The following PGS1 variants were observed in gnomAD, a reference collection of about 807,000 sequenced individuals.
The protein encoded by PGS1 is CDP-diacylglycerol--glycerol-3-phosphate 3-phosphatidyltransferase, mitochondrial.
A neutral mutation model predicts 58.3 loss-of-function variants in PGS1; 44 were observed. The observed-to-expected ratio is 0.75, with a 90% CI of 0.59 to 0.97. The LOEUF is 0.97. PGS1 is among the 50% of genes least tolerant of loss of function. PGS1 has a pLI of 0.00. For missense variants in PGS1, 684 were observed against 731.1 expected, an observed-to-expected ratio of 0.94 and a Z score of 0.74; for synonymous variants, 330 against 311.0, an observed-to-expected ratio of 1.06 and a Z score of -0.64.
chr17:78,414,078 G>A (rs1299959245), intron 7 of PGS1, among the ~76,000 whole-genome samples: 1 of 152,130 alleles, frequency 6.6e-6, no homozygotes, highest in Non-Finnish European at 1.5e-5. Flanking sequence ...GAAGTCCCTG[G>A]GCCCTGTGGG....
At chr17:78,420,267 C>T (rs1342514068) in intron 9 of PGS1, 3 of 972,406 alleles carry the variant, frequency 3.1e-6, no homozygotes, top group Non-Finnish European at 3.7e-6. Flanking sequence ...CTCTGCCCAC[C>T]CAGGAGGGGC....
At chr17:78,379,406 A>G (rs1421691423) in intron 1 of PGS1, among the ~76,000 whole-genome samples, 1 of 152,190 alleles carries the variant, frequency 6.6e-6, no homozygotes, top group South Asian at 2.1e-4. Flanking sequence ...TGTTCTGGAA[A>G]AGTACTGAAG....
At position 78,396,272 on chromosome 17, in the gene PGS1, G is replaced by T. The variant is rs372238845; in HGVS notation, c.334-36G>T. On this transcript the variant is annotated intron_variant, in intron 2 of 9. Transcript: ENST00000262764. ...TGTTTTCTTAGTGAACCATGAAAAT[G>T]ATGAATTTGAATTTTGAATTTTTCT... The T allele has an allele frequency of 5.5e-5, 84 of 1,516,924 alleles. No homozygotes were observed. In the African/African-American group the frequency reaches 9.7e-4, roughly 18 times the overall value. The allele number at this position is 1,516,924 out of a possible 1,614,324, so 94.0% of individuals were successfully genotyped here.
chr17:78,390,062 T>TCCCCCCCCCCCCCCCCCCCCCCCCCCC (rs1555628316), intron 1 of PGS1, among the ~76,000 whole-genome samples: 19 of 128,564 alleles, frequency 1.5e-4, no homozygotes, highest in South Asian at 5.2e-4. Context: ...TGTTGCCTGT[T>TCCCCCCCCCCCCCCCCCCCCCCCCCCC]CCCCCGCCCC....
intron 9 of PGS1, among the ~76,000 whole-genome samples, chr17:78,422,488 T>C (rs991293265): frequency 3.9e-5 from 6 of 152,128 alleles, no homozygotes; most frequent in East Asian, 1.9e-4. Flanking sequence ...ATATTCCTAA[T>C]GGGTGTGTTT....
chr17:78,410,827 TC>T (rs769815921), intron 7 of PGS1, among the ~76,000 whole-genome samples: 2 of 152,198 alleles, frequency 1.3e-5, no homozygotes, highest in Non-Finnish European at 2.9e-5. Flanking sequence ...ATTATTACTC[TC>T]AGTTTGTTTA....
At chr17:78,382,644 T>TG (rs2082112799) in intron 1 of PGS1, 1 of 140,600 alleles carries the variant, frequency 7.1e-6, no homozygotes, top group Non-Finnish European at 1.5e-5. Flanking sequence ...TGGTTTTTTT[T>TG]TTTTTTTTTT....
chr17:78,409,880 GT>G (rs1178779298), intron 7 of PGS1, among the ~76,000 whole-genome samples: 1 of 152,226 alleles, frequency 6.6e-6, no homozygotes, highest in Non-Finnish European at 1.5e-5. Flanking sequence ...GGAGGCCAAG[GT>G]AGGCGGATCA....
chr17:78,378,725 C>A lies in PGS1; in HGVS notation c.60C>A (p.Leu20=). ...TGTTCTGGAGGCGACTGCTGGGCCT[C>A]CTGCCTGGCCGCCCAGGGCTGGCCG... ...GPVFWRRLLG[L]LPGRPGLAAL... Residue 20 remains leucine, a synonymous_variant, in exon 1 of 10, where the codon CTC becomes CTA. Transcript: ENST00000262764. 1 of 1,516,230 alleles carries A rather than the reference C, an allele frequency of 6.6e-7. No individual in the cohort carries two copies. Among genetic ancestry groups the A allele is most frequent in the Non-Finnish European group, 8.8e-7 (1 of 1,138,542 alleles). 93.9% of individuals were successfully genotyped at this position (1,516,230 alleles called of 1,614,324 possible).
chr17:78,406,884 G>A (rs1031433778), intron 7 of PGS1, among the ~76,000 whole-genome samples: 5 of 152,222 alleles, frequency 3.3e-5, no homozygotes, highest in Non-Finnish European at 7.3e-5. Flanking sequence ...AGGGTGGGAG[G>A]CTCCTGGCCT....
intron 7 of PGS1, among the ~76,000 whole-genome samples, chr17:78,413,017 G>A (rs942743855): frequency 3.3e-5 from 5 of 152,226 alleles, no homozygotes; most frequent in African/African-American, 4.8e-5. Context: ...CCTGGGCAGC[G>A]TGAGCCATCT....
At chr17:78,387,766 A>ATTTTTTATTTTTTAT (rs2082518669) in intron 1 of PGS1, among the ~76,000 whole-genome samples, 1 of 151,652 alleles carries the variant, frequency 6.6e-6, no homozygotes, top group Non-Finnish European at 1.5e-5. Context: ...TGCCTGGCTA[A>ATTTTTTATTTTTTAT]CTTTTAATTT....
At chr17:78,415,396 CGAGGCA>C (rs2085092744) in intron 8 of PGS1, among the ~76,000 whole-genome samples, 1 of 152,026 alleles carries the variant, frequency 6.6e-6, no homozygotes, top group Admixed American at 6.6e-5. Context: ...TTTGGGAGGT[CGAGGCA>C]GGTGGGTCGC....
chr17:78,381,783 G>A (rs1342013174), intron 1 of PGS1, among the ~76,000 whole-genome samples: 1 of 152,196 alleles, frequency 6.6e-6, no homozygotes, highest in African/African-American at 2.4e-5. Context: ...CAGCCAGAGA[G>A]ACAGAGAACT....
At chr17:78,419,479 C>G in intron 8 of PGS1, 67 bp from the exon 9 acceptor site, 2 of 1,435,316 alleles carry the variant, frequency 1.4e-6, no homozygotes, top group Non-Finnish European at 2.0e-6. Context: ...TGGGCTGGGG[C>G]CAGCCGGCCA....
chr17:78,394,786 T>A (rs1462764966), intron 2 of PGS1, among the ~76,000 whole-genome samples: 1 of 151,566 alleles, frequency 6.6e-6, no homozygotes. Context: ...AACTCCCGAC[T>A]TCAGGTGATC....
chr17:78,406,309 C>T lies in PGS1; in HGVS notation c.1402+2220C>T, dbSNP rs59814111. 8.2e-3 allele frequency among the ~76,000 whole-genome samples: 1,245 copies of T among 152,156 alleles called. 18 individuals carry two copies. The highest frequency in any genetic ancestry group is 0.028 in the African/African-American group (1,171 of 41,506). ...TTCCAGCCTGGGCAACAGAGCGAGA[C>T]TCTGTCTCAAAAAAAGAAAAAAAAA... On this transcript the variant is annotated intron_variant, in intron 7 of 9. Transcript: ENST00000262764.
intron 5 of PGS1, 72 bp downstream of exon 5, chr17:78,399,609 T>G: frequency 6.8e-7 from 1 of 1,473,900 alleles, no homozygotes; most frequent in Admixed American, 1.7e-5. Flanking sequence ...ATAGGAACAG[T>G]GGGAAACCCG....
At chr17:78,402,865 C>G (rs1373637655) in intron 6 of PGS1, among the ~76,000 whole-genome samples, 1 of 152,112 alleles carries the variant, frequency 6.6e-6, no homozygotes, top group East Asian at 1.9e-4. Context: ...TCAGCTTTGT[C>G]TTGTCTGATA....
Sources: allele counts gnomAD v4.1 joint callset (sites outside exome capture counted in the v4.1 genomes callset), GRCh38; gene constraint gnomAD v4.1.1; transcripts MANE v1.5; gene names NCBI Gene and HGNC (gene_info 2026-07-23, HGNC 2026-07-21).